EDA: variants seen among roughly 807,000 people sequenced by gnomAD.
EDA encodes the protein ectodysplasin A, also known as ectodysplasin-A.
EDA carries 2 observed loss-of-function variants against 23.6 expected under a neutral mutation model. That is an observed-to-expected ratio of 0.08 (90% CI 0.03 to 0.27). The LOEUF is 0.27. Ranked by LOEUF, EDA falls within the 10% of genes least tolerant of loss-of-function variation. The probability of loss-of-function intolerance (pLI) is 1.00; values close to 1 mark genes in which losing one functional copy is unlikely to be tolerated. For synonymous variants in EDA, 131 were observed against 132.0 expected (o/e 0.99, Z 0.05); for missense variants, 229 against 324.2 (o/e 0.71, Z 2.26).
chrX:69,940,463 T>C (rs1220895906), intron 1 of EDA, among the ~76,000 whole-genome samples: 1 of 36,683 alleles, frequency 2.7e-5, no homozygotes, highest in African/African-American at 9.4e-5. Flanking sequence ...TTTTATTACT[T>C]TAGGTCTTCT....
intron 1 of EDA, among the ~76,000 whole-genome samples, chrX:69,920,138 TTA>T (rs749517664): frequency 9.0e-6 from 1 of 111,075 alleles, no homozygotes; most frequent in Non-Finnish European, 1.9e-5. Context: ...TCTTCTGGTT[TTA>T]TGTTAAATTT....
chrX:69,859,756 G>A (rs776444546), intron 1 of EDA, among the ~76,000 whole-genome samples: 39 of 111,379 alleles, frequency 3.5e-4, no homozygotes, highest in Non-Finnish European at 6.6e-4. Flanking sequence ...ATCCATTGCT[G>A]AGTTCATGTC....
chrX:69,869,607 G>T (rs1302725522), intron 1 of EDA, among the ~76,000 whole-genome samples: 1 of 111,657 alleles, frequency 9.0e-6, no homozygotes, highest in East Asian at 2.8e-4. Context: ...TTGTCCATTT[G>T]ACCTAGAAGT....
intron 1 of EDA, among the ~76,000 whole-genome samples, chrX:69,756,427 G>A (rs1231554954): frequency 1.8e-5 from 2 of 111,545 alleles, no homozygotes; most frequent in Non-Finnish European, 3.8e-5. Context: ...GATCAGGGTA[G>A]TAATTATAAG....
At position 69,726,547 on chromosome X, in the gene EDA, G is replaced by C. The variant is rs777617381; in HGVS notation, c.396+109843G>C. ...GCTCCTCTAACTTTTAATATATAAT[G>C]TCTGGCATTCAATAAAAATATTACT... On this transcript the variant is annotated intron_variant, in intron 1 of 7. Transcript: ENST00000374552. Among the ~76,000 whole-genome samples the C allele has an allele frequency of 3.6e-5, 4 of 112,482 alleles. No individual in the cohort carries two copies. In the South Asian group the frequency reaches 1.5e-3, roughly 42 times the overall value.
At chrX:70,027,822 CA>C (rs11426919) in intron 3 of EDA, 34 bp from the exon 4 acceptor site, 1,636 of 562,352 alleles carry the variant, frequency 2.9e-3, no homozygotes, top group Non-Finnish European at 3.6e-3. Context: ...GACTCCGTCT[CA>C]AAAAAAAAAG....
chrX:69,689,678 G>A (rs370890067), intron 1 of EDA, among the ~76,000 whole-genome samples: 1 of 110,887 alleles, frequency 9.0e-6, no homozygotes, highest in East Asian at 2.8e-4. Context: ...GCTATTCTGT[G>A]CCGCTGAATT....
At chrX:69,649,752 A>G (rs1394770690) in intron 1 of EDA, among the ~76,000 whole-genome samples, 1 of 110,376 alleles carries the variant, frequency 9.1e-6, no homozygotes, top group Non-Finnish European at 1.9e-5. Flanking sequence ...AAGGCTGGCC[A>G]CTTTTTATAT....
At chrX:69,717,027 C>A (rs1379147123) in intron 1 of EDA, among the ~76,000 whole-genome samples, 2 of 111,167 alleles carry the variant, frequency 1.8e-5, no homozygotes, top group African/African-American at 6.5e-5. Context: ...GATAGTTTGA[C>A]TTCCTCTCTT....
At chrX:69,814,060 G>A (rs1297367311) in intron 1 of EDA, among the ~76,000 whole-genome samples, 1 of 112,321 alleles carries the variant, frequency 8.9e-6, no homozygotes, top group Non-Finnish European at 1.9e-5. Flanking sequence ...CCTCAACGAA[G>A]GTTAACAAAC....
chrX:69,978,517 A>AAAAAAAT (rs57210157), intron 2 of EDA, among the ~76,000 whole-genome samples: 4 of 103,280 alleles, frequency 3.9e-5, no homozygotes, highest in African/African-American at 1.4e-4. Context: ...AAAAAAAAAA[A>AAAAAAAT]AAAGAAAGAA....
intron 1 of EDA, among the ~76,000 whole-genome samples, chrX:69,881,545 G>GCTA (rs2017747599): frequency 9.0e-6 from 1 of 111,709 alleles, no homozygotes; most frequent in African/African-American, 3.3e-5. Flanking sequence ...TAGTTGCTTA[G>GCTA]CTATATTCCT....
chrX:69,703,043 A>G (rs2011580111), intron 1 of EDA, among the ~76,000 whole-genome samples: 2 of 110,393 alleles, frequency 1.8e-5, no homozygotes, highest in South Asian at 7.8e-4. Flanking sequence ...GCTCAGGAGA[A>G]AAGGGAAAGG....
intron 1 of EDA, among the ~76,000 whole-genome samples, chrX:69,833,287 G>T (rs781299856): frequency 9.0e-6 from 1 of 111,014 alleles, no homozygotes; most frequent in South Asian, 3.8e-4. Flanking sequence ...TTCTGCATCT[G>T]TTGAGATAAT....
At chrX:69,842,836 C>T (rs1569352391) in intron 1 of EDA, among the ~76,000 whole-genome samples, 1 of 111,287 alleles carries the variant, frequency 9.0e-6, no homozygotes, top group Non-Finnish European at 1.9e-5. Context: ...CTCTCTCTCT[C>T]TTGCCCCTGC....
chrX:69,799,229 A>T (rs1370883736), intron 1 of EDA, among the ~76,000 whole-genome samples: 3 of 111,700 alleles, frequency 2.7e-5, no homozygotes, highest in African/African-American at 9.8e-5. Context: ...AAACTATGAA[A>T]CTACTAAAAG....
At chrX:69,911,524 G>A (rs1032207469) in intron 1 of EDA, among the ~76,000 whole-genome samples, 6 of 111,727 alleles carry the variant, frequency 5.4e-5, no homozygotes, top group African/African-American at 2.0e-4. Flanking sequence ...ATTCTCCAGT[G>A]CTTTCAGGTA....
At chrX:69,696,477 T>G (rs2011349559) in intron 1 of EDA, among the ~76,000 whole-genome samples, 1 of 111,805 alleles carries the variant, frequency 8.9e-6, no homozygotes, top group Non-Finnish European at 1.9e-5. Context: ...TAGTTTTTGG[T>G]TTCTCATTTT....
chrX:69,915,281 A>AAGAT (rs2018323386), intron 1 of EDA, among the ~76,000 whole-genome samples: 1 of 111,622 alleles, frequency 9.0e-6, no homozygotes. Context: ...CAAAAATGTT[A>AAGAT]AGATAGACTG....
Sources: allele counts gnomAD v4.1 joint callset (sites outside exome capture counted in the v4.1 genomes callset), GRCh38; gene constraint gnomAD v4.1.1; transcripts MANE v1.5; gene names NCBI Gene and HGNC (gene_info 2026-07-23, HGNC 2026-07-21).